Variants in DCDC1 observed in about 807,000 individuals in gnomAD.
DCDC1 encodes the protein doublecortin domain-containing protein 1.
A neutral mutation model predicts 178.3 loss-of-function variants in DCDC1; 200 were observed. That is an observed-to-expected ratio of 1.12 (90% CI 1.00 to 1.26). DCDC1 has a LOEUF of 1.26. Among genes scored for constraint, DCDC1 ranks in the 50% most tolerant of loss-of-function variants. DCDC1 has a pLI of 0.00. For missense variants in DCDC1, 1,983 were observed against 1,749.2 expected, an observed-to-expected ratio of 1.13 and a Z score of -2.38; for synonymous variants, 690 against 604.8, an observed-to-expected ratio of 1.14 and a Z score of -2.07.
intron 11 of DCDC1, among the ~76,000 whole-genome samples, chr11:31,111,227 A>G (rs1011424459): frequency 4.6e-5 from 7 of 152,012 alleles, no homozygotes; most frequent in Non-Finnish European, 8.8e-5. Context: ...ACATCAGCAG[A>G]GCCATTTTAT....
intron 18 of DCDC1, among the ~76,000 whole-genome samples, chr11:31,072,481 C>T (rs1210905915): frequency 6.6e-6 from 1 of 151,888 alleles, no homozygotes; most frequent in Non-Finnish European, 1.5e-5. Flanking sequence ...ATGGATTCTC[C>T]CTTTGTTTGC....
intron 20 of DCDC1, among the ~76,000 whole-genome samples, chr11:31,055,785 T>C (rs1386424046): frequency 6.6e-6 from 1 of 152,132 alleles, no homozygotes; most frequent in Non-Finnish European, 1.5e-5. Context: ...TTCTCACTGA[T>C]ATGTGGGAGC....
At chr11:31,275,927 C>T (rs997395797) in intron 7 of DCDC1, among the ~76,000 whole-genome samples, 16 of 152,306 alleles carry the variant, frequency 1.1e-4, no homozygotes, top group South Asian at 4.1e-4. Context: ...TTCATAGAGA[C>T]GAGATGGTCC....
chr11:30,896,712 GT>G (rs1349131738), intron 34 of DCDC1, among the ~76,000 whole-genome samples: 1 of 152,172 alleles, frequency 6.6e-6, no homozygotes, highest in Middle Eastern at 3.2e-3. Flanking sequence ...GGGTAAACGA[GT>G]TGCCTTTTCA....
chr11:31,061,054 C>A (rs1043338662), intron 20 of DCDC1, among the ~76,000 whole-genome samples: 1 of 152,100 alleles, frequency 6.6e-6, no homozygotes, highest in Non-Finnish European at 1.5e-5. Context: ...AGCTAGCAAA[C>A]CCTTCAGCAC....
At chr11:31,030,604 A>G (rs1193383532) in intron 20 of DCDC1, among the ~76,000 whole-genome samples, 1 of 152,174 alleles carries the variant, frequency 6.6e-6, no homozygotes, top group Non-Finnish European at 1.5e-5. Flanking sequence ...TGCCGAAGCA[A>G]GACACTGTCA....
intron 36 of DCDC1, among the ~76,000 whole-genome samples, chr11:30,884,277 C>A (rs1222865804): frequency 6.6e-6 from 1 of 152,056 alleles, no homozygotes; most frequent in Non-Finnish European, 1.5e-5. Flanking sequence ...TCAGTCCCCC[C>A]ACCTCAGCCT....
intron 38 of DCDC1, among the ~76,000 whole-genome samples, chr11:30,872,517 A>C (rs1422598556): frequency 6.6e-6 from 1 of 152,208 alleles, no homozygotes; most frequent in Non-Finnish European, 1.5e-5. Context: ...TGTGGCTACT[A>C]GAAAATTTCA....
rs139973598 is a variant in DCDC1, at chr11:31,200,355, A to G, written c.1221+41095T>C. Among the ~76,000 whole-genome samples the G allele has an allele frequency of 8.5e-5, 13 of 152,250 alleles. No homozygotes were observed. The East Asian group carries it at 2.5e-3, about 29-fold the overall frequency. The stretch of plus-strand genomic sequence containing the variant: ...CTAGATGCCAGTGGATAACTTAAAC[A>G]TAGCTTAGATTCACTGACATTAATG... On this transcript the variant is annotated intron_variant, in intron 9 of 38. Transcript: ENST00000684477.
chr11:30,942,451 A>G (rs1947718233), intron 21 of DCDC1, among the ~76,000 whole-genome samples: 1 of 152,182 alleles, frequency 6.6e-6, no homozygotes, highest in African/African-American at 2.4e-5. Context: ...TTACTGTTGC[A>G]TTGAAGTCTT....
chr11:31,007,295 T>C (rs1462319054), intron 20 of DCDC1, among the ~76,000 whole-genome samples: 1 of 152,208 alleles, frequency 6.6e-6, no homozygotes, highest in Non-Finnish European at 1.5e-5. Context: ...GGACCTCAGA[T>C]AGTGACATCT....
At chr11:30,983,749 G>A (rs1009494066) in intron 20 of DCDC1, among the ~76,000 whole-genome samples, 1 of 151,994 alleles carries the variant, frequency 6.6e-6, no homozygotes, top group East Asian at 1.9e-4. Flanking sequence ...TTTAAAAAAC[G>A]TGCTTAGAGT....
At chr11:31,315,969 T>A (rs1428158763) in intron 3 of DCDC1, among the ~76,000 whole-genome samples, 1 of 113,760 alleles carries the variant, frequency 8.8e-6, no homozygotes, top group Non-Finnish European at 1.7e-5. Context: ...TCCATGTCCC[T>A]ACAAAGGATA....
rs201719993 is a variant in DCDC1, at chr11:30,901,225, T to G, written c.4511-727A>C. On this transcript the variant is annotated intron_variant, in intron 32 of 38. Transcript: ENST00000684477. ...ATAAAGAGCCTATTCGTGATATAGC[T>G]AACAGTACCCTGCAATAGAAAATTA... 5.3e-5 allele frequency among the ~76,000 whole-genome samples: 8 copies of G among 152,262 alleles called. No homozygotes were observed. The East Asian group carries it at 1.5e-3, about 29-fold the overall frequency.
chr11:31,315,767 C>T (rs1353796327), intron 3 of DCDC1, among the ~76,000 whole-genome samples: 13 of 112,382 alleles, frequency 1.2e-4, no homozygotes, highest in African/African-American at 5.3e-4. Context: ...AATGTGTCAT[C>T]TAGCATTAGG....
chr11:31,305,591 G>A (rs1410528667), intron 6 of DCDC1, 24 bp downstream of exon 6: 4 of 1,611,560 alleles, frequency 2.5e-6, no homozygotes, highest in Middle Eastern at 1.7e-4. Flanking sequence ...TGTGGGGGTA[G>A]GGTATTTTTT....
intron 9 of DCDC1, among the ~76,000 whole-genome samples, chr11:31,145,249 T>TA (rs1964314363): frequency 6.6e-6 from 1 of 152,134 alleles, no homozygotes; most frequent in African/African-American, 2.4e-5. Flanking sequence ...CGGAGCCAGA[T>TA]AGAGCTTCAT....
intron 11 of DCDC1, among the ~76,000 whole-genome samples, chr11:31,115,141 A>G (rs1959689659): frequency 6.6e-6 from 1 of 152,186 alleles, no homozygotes. Flanking sequence ...TTGACTGTGA[A>G]GATTTTAGAG....
chr11:30,945,861 C>T (rs142522419), intron 21 of DCDC1, among the ~76,000 whole-genome samples: 3 of 152,126 alleles, frequency 2.0e-5, no homozygotes, highest in Non-Finnish European at 4.4e-5. Flanking sequence ...TGAGGCAGCT[C>T]TGTTCACCAC....
Sources: allele counts gnomAD v4.1 joint callset (sites outside exome capture counted in the v4.1 genomes callset), GRCh38; gene constraint gnomAD v4.1.1; transcripts MANE v1.5; gene names NCBI Gene and HGNC (gene_info 2026-07-23, HGNC 2026-07-21).